Variants in GLI2 observed in about 807,000 individuals in gnomAD.
The protein encoded by GLI2 is transcription activator GLI2.
GLI2 carries 22 observed loss-of-function variants against 78.9 expected under a neutral mutation model. The ratio of observed to expected loss-of-function variants is 0.28; its 90% confidence interval spans 0.20 to 0.40. The LOEUF (loss-of-function observed/expected upper bound fraction) is 0.40. GLI2 is among the 10% of genes least tolerant of loss of function. GLI2 has a pLI of 1.00. For synonymous variants in GLI2, 974 were observed against 963.7 expected (o/e 1.01, Z -0.20); for missense variants, 2,097 against 2,213.2 (o/e 0.95, Z 1.05).
intron 2 of GLI2, among the ~76,000 whole-genome samples, chr2:120,831,823 T>A (rs1193566341): frequency 6.6e-6 from 1 of 152,204 alleles, no homozygotes; most frequent in East Asian, 1.9e-4. Flanking sequence ...TTGTGAGGAT[T>A]CAGTGAGGTC....
intron 2 of GLI2, among the ~76,000 whole-genome samples, chr2:120,891,322 G>A (rs1677670005): frequency 6.6e-6 from 1 of 152,192 alleles, no homozygotes; most frequent in African/African-American, 2.4e-5. Context: ...TTTCTTGAGA[G>A]GCAGTGTTGC....
intron 2 of GLI2, among the ~76,000 whole-genome samples, chr2:120,926,609 G>A (rs1349434719): frequency 2.0e-5 from 3 of 152,038 alleles, no homozygotes; most frequent in Non-Finnish European, 4.4e-5. Flanking sequence ...TGCCTCCAGG[G>A]TACCCAGGAA....
chr2:120,854,432 A>G (rs1241663950), intron 2 of GLI2, among the ~76,000 whole-genome samples: 1 of 152,110 alleles, frequency 6.6e-6, no homozygotes, highest in Admixed American at 6.5e-5. Flanking sequence ...TCACCTGCCC[A>G]GTGCTGCTTC....
intron 2 of GLI2, among the ~76,000 whole-genome samples, chr2:120,924,618 T>C (rs1035901526): frequency 7.2e-5 from 11 of 152,208 alleles, no homozygotes; most frequent in African/African-American, 2.7e-4. Context: ...TGGTCTGCCC[T>C]GCCATGTTTT....
At chr2:120,854,477 G>C (rs1032189010) in intron 2 of GLI2, among the ~76,000 whole-genome samples, 8 of 152,158 alleles carry the variant, frequency 5.3e-5, no homozygotes, top group Non-Finnish European at 1.2e-4. Context: ...CTGAGTGTGT[G>C]AGCAGTCCCC....
At chr2:120,814,866 C>T (rs921408197) in intron 2 of GLI2, among the ~76,000 whole-genome samples, 2 of 142,854 alleles carry the variant, frequency 1.4e-5, no homozygotes, top group African/African-American at 5.2e-5. Flanking sequence ...AGCTTCGGGA[C>T]CATTGGGGTA....
intron 1 of GLI2, among the ~76,000 whole-genome samples, chr2:120,787,127 G>A (rs541775425): frequency 6.6e-6 from 1 of 152,288 alleles, no homozygotes; most frequent in East Asian, 1.9e-4. Flanking sequence ...TGGCCTGGCA[G>A]GGGGTGGTCC....
At chr2:120,836,744 G>A (rs1229773955) in intron 2 of GLI2, among the ~76,000 whole-genome samples, 1 of 152,218 alleles carries the variant, frequency 6.6e-6, no homozygotes. Flanking sequence ...CACAACGTGT[G>A]TTTCTTTCTC....
rs900290372 is a variant in GLI2 at position 120,974,493 on chromosome 2, T to C, written c.1183-482T>C. On this transcript the variant is annotated intron_variant, in intron 8 of 13. Coordinates refer to ENST00000361492, the MANE Select transcript of GLI2 (RefSeq NM_001374353.1). ...TCTCAGGGGTCTTTCCTTCGCCTCA[T>C]TAAAATGGCCACATGGGCCCTAATG... is the stretch of plus-strand genomic sequence containing the variant. 2.6e-5 allele frequency among the ~76,000 whole-genome samples: 4 copies of C among 152,160 alleles called. No individual in the cohort carries two copies. In the East Asian group the frequency reaches 7.7e-4, roughly 29 times the overall value.
chr2:120,980,497 T>TA (rs897283011), intron 10 of GLI2, among the ~76,000 whole-genome samples: 4 of 152,258 alleles, frequency 2.6e-5, no homozygotes, highest in African/African-American at 9.6e-5. Context: ...TTTTTGCTGT[T>TA]AAATTGTAAG....
At chr2:120,921,915 C>G (rs993671162) in intron 2 of GLI2, among the ~76,000 whole-genome samples, 4 of 152,216 alleles carry the variant, frequency 2.6e-5, no homozygotes, top group African/African-American at 9.6e-5. Flanking sequence ...GACACCTGGC[C>G]TTTGAATTTG....
chr2:120,988,878 C>T lies in GLI2; in HGVS notation c.2913C>T (p.His971=), dbSNP rs944461894. ...ALSLPRVQRF[H]STHNVNPGPL... is the part of the protein sequence containing the mutation. Reference sequence around the variant, plus strand: ...CCCTGCCGCGGGTGCAGCGCTTCCACAGCACCCACAACGTGAACCCCGGCC... The same window carrying T: ...CCCTGCCGCGGGTGCAGCGCTTCCATAGCACCCACAACGTGAACCCCGGCC... Residue 971 remains histidine, a synonymous_variant, in exon 14 of 14, where the codon CAC becomes CAT. Transcript: ENST00000361492. 4 of 1,503,226 alleles carry T rather than the reference C, an allele frequency of 2.7e-6. No homozygotes were observed. Among genetic ancestry groups the T allele is most frequent in the African/African-American group, 2.8e-5 (2 of 70,182 alleles). The allele number at this position is 1,503,226 out of a possible 1,614,324, so 93.1% of individuals were successfully genotyped here.
intron 1 of GLI2, among the ~76,000 whole-genome samples, chr2:120,789,391 C>G (rs1383376040): frequency 1.3e-5 from 2 of 152,052 alleles, no homozygotes; most frequent in East Asian, 3.9e-4. Flanking sequence ...AAGGGCTTCT[C>G]CCTCCCTTTG....
At position 120,800,989 on chromosome 2, in the gene GLI2, A is replaced by G. The variant is rs11894823; in HGVS notation, c.148+3521A>G. Among the ~76,000 whole-genome samples, 79,079 of 152,010 alleles carry G rather than the reference A, an allele frequency of 0.52. 22,417 individuals carry two copies. The highest frequency in any genetic ancestry group is 0.7 in the South Asian group (3,363 of 4,818). On this transcript the variant is annotated intron_variant, in intron 2 of 13. Transcript: ENST00000361492. This position sits in a 1 kb window ranked among gnomAD's most constrained non-coding sequence, Gnocchi z 4.1. Reference sequence around the variant, plus strand: ...GTATCCAGATGTGGGGGCACCCTGCATTCCCCGGCAGCTCATGGCCCCTCA... The same window carrying G: ...GTATCCAGATGTGGGGGCACCCTGCGTTCCCCGGCAGCTCATGGCCCCTCA...
At position 120,737,502 on chromosome 2, in the gene GLI2, G is replaced by A. The variant is rs1682405006; in HGVS notation, c.-31+1217G>A. On this transcript the variant is annotated intron_variant, in intron 1 of 13. Transcript: ENST00000361492. The surrounding 1 kb of genome is among the most constrained non-coding windows in gnomAD (Gnocchi z 4.3). ...TGATCCCAGCTGGAAAAGTAGACCT[G>A]TCCCTACTGTCTGGTCCCGCGCCCT... Among the ~76,000 whole-genome samples the A allele has an allele frequency of 6.6e-6, 1 of 152,140 alleles. No homozygotes were observed. The highest frequency in any genetic ancestry group is 2.1e-4 in the South Asian group (1 of 4,826).
rs374155310 is a variant in GLI2 at position 120,972,019 on chromosome 2, G to C, written c.1138G>C (p.Glu380Gln). Reference sequence around the variant, plus strand: ...TCACAAGCGCAGCAAGGTCAAGACCGAGCCTGAGGGCCTGCGGCCGGCCTC... The same window carrying C: ...TCACAAGCGCAGCAAGGTCAAGACCCAGCCTGAGGGCCTGCGGCCGGCCTC... ...AIHKRSKVKT[E>Q]PEGLRPASPL... Residue 380 changes from glutamate to glutamine, a missense_variant, in exon 8 of 14, where the codon GAG becomes CAG. This residue lies in a region of GLI2 where 578 missense variants were observed against 612.0 expected (regional missense o/e 0.94). Transcript: ENST00000361492. 6.2e-7 allele frequency: 1 copy of C among 1,613,532 alleles called. No individual in the cohort carries two copies. The highest frequency in any genetic ancestry group is 1.7e-5 in the Admixed American group (1 of 60,024).
intron 2 of GLI2, among the ~76,000 whole-genome samples, chr2:120,912,925 G>C (rs537880160): frequency 6.6e-6 from 1 of 152,162 alleles, no homozygotes; most frequent in Non-Finnish European, 1.5e-5. Flanking sequence ...TCCCTTGGGC[G>C]GGGCACCGGC....
intron 3 of GLI2, among the ~76,000 whole-genome samples, chr2:120,942,055 A>G (rs927751650): frequency 2.0e-5 from 3 of 152,168 alleles, no homozygotes; most frequent in Non-Finnish European, 4.4e-5. Flanking sequence ...CGAGCAATAA[A>G]TAGGAGCCCT....
At chr2:120,977,597 G>A (rs925216878) in intron 9 of GLI2, among the ~76,000 whole-genome samples, 8 of 152,222 alleles carry the variant, frequency 5.3e-5, no homozygotes, top group Non-Finnish European at 1.0e-4. Context: ...TGAGAACAGA[G>A]GAGGAAGGGG....
Sources: allele counts gnomAD v4.1 joint callset (sites outside exome capture counted in the v4.1 genomes callset), GRCh38; gene constraint gnomAD v4.1.1; regional missense constraint gnomAD v4.1.1; non-coding constraint Gnocchi (gnomAD v3.1); transcripts MANE v1.5; gene names NCBI Gene and HGNC (gene_info 2026-07-23, HGNC 2026-07-21).